The following TMEM266 variants were observed in gnomAD, a reference collection of about 807,000 sequenced individuals.
TMEM266 encodes the protein Hv1 related protein 1.
In TMEM266, 33 loss-of-function variants were observed where a neutral mutation model predicts 50.5. That is an observed-to-expected ratio of 0.65 (90% CI 0.50 to 0.87). The LOEUF (loss-of-function observed/expected upper bound fraction) is 0.87. Among genes scored for constraint, TMEM266 ranks in the 40% least tolerant of loss-of-function variants. The pLI, the probability that TMEM266 is intolerant of heterozygous loss-of-function variation, is 0.00. For missense variants in TMEM266, 655 were observed against 695.1 expected, an observed-to-expected ratio of 0.94 and a Z score of 0.65; for synonymous variants, 310 against 292.3, an observed-to-expected ratio of 1.06 and a Z score of -0.62.
intron 3 of TMEM266, among the ~76,000 whole-genome samples, chr15:76,142,043 G>C (rs188931974): frequency 3.3e-5 from 5 of 152,294 alleles, no homozygotes; most frequent in Non-Finnish European, 5.9e-5. Context: ...CCATATTTTA[G>C]CTACTGTGAA....
At chr15:76,189,297 T>C (rs1397503776) in intron 8 of TMEM266, among the ~76,000 whole-genome samples, 3 of 138,132 alleles carry the variant, frequency 2.2e-5, no homozygotes, top group African/African-American at 9.1e-5. Flanking sequence ...TAGGTCTCTG[T>C]CCATCGTGAC....
chr15:76,076,755 G>A (rs1478550472), intron 1 of TMEM266, among the ~76,000 whole-genome samples: 1 of 152,074 alleles, frequency 6.6e-6, no homozygotes, highest in South Asian at 2.1e-4. Context: ...GAAAGGATTT[G>A]AACAGGTAGG....
At chr15:76,155,045 G>T (rs2037904655) in intron 3 of TMEM266, among the ~76,000 whole-genome samples, 1 of 152,216 alleles carries the variant, frequency 6.6e-6, no homozygotes, top group African/African-American at 2.4e-5. Flanking sequence ...GTCTTTACAG[G>T]GCAGATTAGT....
chr15:76,203,941 T>A lies in TMEM266; in HGVS notation c.1222T>A (p.Ser408Thr). 6.2e-7 allele frequency: 1 copy of A among 1,613,900 alleles called. No individual in the cohort carries two copies. Among genetic ancestry groups the A allele is most frequent in the Non-Finnish European group, 8.5e-7 (1 of 1,179,966 alleles). ...TGACAGCAGCCAGACGCTGGGCTCC[T>A]CCATGGACTGCAGCACTGCCCGCGA... is the stretch of plus-strand genomic sequence containing the variant. Residue 408 changes from serine (S) to threonine (T), a missense_variant, in exon 11 of 11, where the codon TCC (serine) becomes ACC (threonine). Physicochemically the swap from Ser to Thr is moderately conservative, Grantham distance 58. Coordinates refer to ENST00000388942, the MANE Select transcript of TMEM266 (RefSeq NM_152335.3).
At chr15:76,188,843 T>C (rs960880278) in intron 8 of TMEM266, among the ~76,000 whole-genome samples, 1 of 152,146 alleles carries the variant, frequency 6.6e-6, no homozygotes, top group African/African-American at 2.4e-5. Context: ...CCCAATGGAA[T>C]GATAGTAAAG....
chr15:76,119,391 C>CAAAAAAAAAAAAAAAAAAA (rs57532855), intron 1 of TMEM266, among the ~76,000 whole-genome samples: 2 of 109,794 alleles, frequency 1.8e-5, no homozygotes, highest in African/African-American at 3.3e-5. Context: ...GGGTTTATGG[C>CAAAAAAAAAAAAAAAAAAA]AAAAAAAAAA....
At chr15:76,077,197 T>C (rs1162313131) in intron 1 of TMEM266, among the ~76,000 whole-genome samples, 1 of 152,042 alleles carries the variant, frequency 6.6e-6, no homozygotes, top group Non-Finnish European at 1.5e-5. Flanking sequence ...ACTCCTGAGC[T>C]CAAAGTGATC....
At chr15:76,154,739 G>A (rs766526055) in intron 3 of TMEM266, among the ~76,000 whole-genome samples, 3 of 152,110 alleles carry the variant, frequency 2.0e-5, no homozygotes, top group South Asian at 2.1e-4. Flanking sequence ...AGTTGAGGAC[G>A]GGGGCCTATC....
chr15:76,141,753 C>G (rs776689050), intron 3 of TMEM266, among the ~76,000 whole-genome samples: 1 of 152,196 alleles, frequency 6.6e-6, no homozygotes, highest in African/African-American at 2.4e-5. Context: ...TCCCCCACTC[C>G]TCCAGCCACT....
At chr15:76,076,892 G>C (rs559006860) in intron 1 of TMEM266, among the ~76,000 whole-genome samples, 1 of 152,150 alleles carries the variant, frequency 6.6e-6, no homozygotes, top group South Asian at 2.1e-4. Flanking sequence ...TTTCAACCAC[G>C]CACACATGAA....
intron 3 of TMEM266, among the ~76,000 whole-genome samples, chr15:76,140,350 G>T (rs1223901358): frequency 6.6e-6 from 1 of 152,206 alleles, no homozygotes; most frequent in African/African-American, 2.4e-5. Context: ...GAGGCTTCTT[G>T]GCTCTTGCTG....
intron 9 of TMEM266, among the ~76,000 whole-genome samples, chr15:76,196,969 G>C (rs866474848): frequency 1.3e-5 from 2 of 152,202 alleles, no homozygotes; most frequent in South Asian, 2.1e-4. Flanking sequence ...CATAACTTAT[G>C]AATTACAGCC....
chr15:76,154,743 G>C (rs192061226), intron 3 of TMEM266, among the ~76,000 whole-genome samples: 2 of 152,168 alleles, frequency 1.3e-5, no homozygotes, highest in South Asian at 4.1e-4. Flanking sequence ...GAGGACGGGG[G>C]CCTATCATTC....
intron 1 of TMEM266, among the ~76,000 whole-genome samples, chr15:76,088,979 A>G (rs1286179302): frequency 6.7e-6 from 1 of 149,552 alleles, no homozygotes; most frequent in Non-Finnish European, 1.5e-5. Flanking sequence ...CTGTTACTCC[A>G]GCTATTCAGG....
intron 1 of TMEM266, among the ~76,000 whole-genome samples, chr15:76,131,091 T>C (rs1289733213): frequency 6.6e-6 from 1 of 152,132 alleles, no homozygotes; most frequent in South Asian, 2.1e-4. Context: ...AAATACTAAT[T>C]TGGGGCTAGG....
rs866231139 is a variant in TMEM266, at chr15:76,107,096, T to G, written c.-96-27072T>G. Among the ~76,000 whole-genome samples, 13 of 152,322 alleles carry G rather than the reference T, an allele frequency of 8.5e-5. 1 individual carries two copies. In the South Asian group the frequency reaches 2.3e-3, roughly 27 times the overall value. On this transcript the variant is annotated intron_variant, in intron 1 of 10. Transcript: ENST00000388942. ...ATATAACATAAACCATGTATGCCAT[T>G]TAAAATTTTCTAGTTAGCACATTTT...
At chr15:76,091,671 T>C (rs1012173975) in intron 1 of TMEM266, among the ~76,000 whole-genome samples, 11 of 151,800 alleles carry the variant, frequency 7.2e-5, no homozygotes, top group Non-Finnish European at 1.5e-4. Context: ...AAGTAGGCAA[T>C]GAGAAACCTC....
chr15:76,201,265 A>C (rs1422223350), intron 9 of TMEM266, among the ~76,000 whole-genome samples: 1 of 152,158 alleles, frequency 6.6e-6, no homozygotes, highest in Non-Finnish European at 1.5e-5. Context: ...CCTTGGAACA[A>C]GGCCCAGCTC....
chr15:76,123,982 G>A (rs558513747), intron 1 of TMEM266, among the ~76,000 whole-genome samples: 1 of 152,294 alleles, frequency 6.6e-6, no homozygotes, highest in South Asian at 2.1e-4. Context: ...CAAAGTGGTG[G>A]GATTACAGGC....
Sources: gnomAD v4.1 joint callset for allele counts (sites outside exome capture counted in the v4.1 genomes callset) on GRCh38, gnomAD v4.1.1 for gene constraint, MANE v1.5 for transcripts, NCBI Gene and HGNC (gene_info 2026-07-23, HGNC 2026-07-21) for gene names.